The following ZNF398 variants were observed in gnomAD, a reference collection of about 807,000 sequenced individuals.
The protein encoded by ZNF398 is zinc finger DNA binding protein ZER6.
In ZNF398, 18 loss-of-function variants were observed where a neutral mutation model predicts 41.9. That is an observed-to-expected ratio of 0.43 (90% CI 0.30 to 0.64). The LOEUF is 0.64. ZNF398 is among the 30% of genes least tolerant of loss of function. The probability of loss-of-function intolerance (pLI) is 0.14; values close to 1 mark genes in which losing one functional copy is unlikely to be tolerated. For synonymous variants in ZNF398, 260 were observed against 308.8 expected, an observed-to-expected ratio of 0.84 and a Z score of 1.66; for missense variants, 669 against 822.8, an observed-to-expected ratio of 0.81 and a Z score of 2.29.
At chr7:149,128,254 C>T (rs1043576348) in intron 1 of ZNF398, among the ~76,000 whole-genome samples, 1 of 152,016 alleles carries the variant, frequency 6.6e-6, no homozygotes, top group African/African-American at 2.4e-5. Flanking sequence ...TCAGGAAAGG[C>T]GGGACAACTC....
intron 5 of ZNF398, among the ~76,000 whole-genome samples, chr7:149,177,008 G>A (rs550121861): frequency 1.3e-5 from 2 of 152,194 alleles, no homozygotes; most frequent in South Asian, 2.1e-4. Flanking sequence ...ATCAATGATG[G>A]GAGAAGAAAT....
chr7:149,164,426 T>C (rs999113901), intron 2 of ZNF398, among the ~76,000 whole-genome samples: 2 of 149,546 alleles, frequency 1.3e-5, no homozygotes, highest in African/African-American at 2.5e-5. Flanking sequence ...AAAATAAAAA[T>C]AAAAAAAGAG....
At chr7:149,131,613 G>T (rs1826596591) in intron 2 of ZNF398, among the ~76,000 whole-genome samples, 1 of 152,138 alleles carries the variant, frequency 6.6e-6, no homozygotes, top group South Asian at 2.1e-4. Context: ...TTAAACCTTG[G>T]AGGCGTTGGT....
chr7:149,171,967 C>A (rs1795352680), intron 4 of ZNF398, among the ~76,000 whole-genome samples: 1 of 152,222 alleles, frequency 6.6e-6, no homozygotes, highest in South Asian at 2.1e-4. Context: ...CCATGCTCGA[C>A]AGTGGCCTGT....
At chr7:149,167,372 G>T (rs908237826) in intron 4 of ZNF398, among the ~76,000 whole-genome samples, 2 of 152,182 alleles carry the variant, frequency 1.3e-5, no homozygotes, top group African/African-American at 4.8e-5. Flanking sequence ...ATTTTCTCAG[G>T]TCTGGGAAGC....
At chr7:149,148,647 T>G (rs1332909728) in intron 1 of ZNF398, 2 of 191,942 alleles carry the variant, frequency 1.0e-5, no homozygotes, top group African/African-American at 2.4e-5. Context: ...ACCTTTTTTT[T>G]TGTGTATAGG....
chr7:149,179,838 A>C lies in ZNF398; in HGVS notation c.*37A>C. 1 of 1,509,564 alleles carries C rather than the reference A, an allele frequency of 6.6e-7. No individual in the cohort carries two copies. Among genetic ancestry groups the C allele is most frequent in the Middle Eastern group, 2.2e-4 (1 of 4,618 alleles). The allele number at this position is 1,509,564 out of a possible 1,614,324, so 93.5% of individuals were successfully genotyped here. ...TGTGGCTTCATGCTTGTATATGCTC[A>C]CAGCAGGGCACAAAATCCAAGAGAA... is the stretch of plus-strand genomic sequence containing the variant. On this transcript the variant is annotated 3_prime_UTR_variant, in exon 6 of 6. Coordinates refer to ENST00000475153, the MANE Select transcript of ZNF398 (RefSeq NM_170686.3). The surrounding 1 kb of genome is among the most constrained non-coding windows in gnomAD (Gnocchi z 6.1).
At chr7:149,133,192 T>G (rs1380932243) in intron 2 of ZNF398, among the ~76,000 whole-genome samples, 1 of 151,662 alleles carries the variant, frequency 6.6e-6, no homozygotes, top group African/African-American at 2.4e-5. Flanking sequence ...CTTGGATCAC[T>G]GCAACTTCCG....
At chr7:149,177,269 T>C (rs1267360487) in intron 5 of ZNF398, among the ~76,000 whole-genome samples, 2 of 151,966 alleles carry the variant, frequency 1.3e-5, no homozygotes, top group African/African-American at 4.8e-5. Context: ...ATGAGTGGGG[T>C]GGACGACTTA....
intron 2 of ZNF398, among the ~76,000 whole-genome samples, chr7:149,132,342 G>A (rs536240737): frequency 5.9e-5 from 9 of 151,946 alleles, no homozygotes; most frequent in African/African-American, 2.2e-4. Context: ...TTACAGGCAT[G>A]TGCCACCACG....
intron 2 of ZNF398, among the ~76,000 whole-genome samples, chr7:149,131,143 T>A (rs78544387): frequency 7.5e-4 from 115 of 152,326 alleles, no homozygotes; most frequent in African/African-American, 2.5e-3. Flanking sequence ...CTGTGTTTAT[T>A]CAAAGAAACC....
At chr7:149,148,317 C>T in intron 1 of ZNF398, 2 of 409,408 alleles carry the variant, frequency 4.9e-6, no homozygotes, top group Non-Finnish European at 6.6e-6. Flanking sequence ...GCCTCGCGTG[C>T]GTGGCGGTTC....
chr7:149,155,722 T>A lies in ZNF398; in HGVS notation c.420+1382T>A, dbSNP rs1202391613. Among the ~76,000 whole-genome samples the A allele has an allele frequency of 9.1e-3, 671 of 73,534 alleles. 7 individuals carry two copies. Among genetic ancestry groups the A allele is most frequent in the African/African-American group, 0.015 (297 of 20,114 alleles). The allele number at this position is 73,534 out of a possible 152,430, so 48.2% of individuals were successfully genotyped here. ...ATATATATATATTTTTTTTTTTTTT[T>A]TTTTTTTAATTTTTTTTTTTTTGAG... On this transcript the variant is annotated intron_variant, in intron 2 of 5. Transcript: ENST00000475153.
chr7:149,126,584 A>C (rs1826482798), exon 1 of ZNF398: 1 of 373,190 alleles, frequency 2.7e-6, no homozygotes, highest in Non-Finnish European at 4.9e-6. Flanking sequence ...AGAGAGCAGG[A>C]ACAGGGAGAG....
At chr7:149,143,586 G>A (rs2129519746), upstream of ZNF398, among the ~76,000 whole-genome samples, 1 of 152,316 alleles carries the variant, frequency 6.6e-6, no homozygotes, top group East Asian at 1.9e-4. Context: ...GGCCGAGGTG[G>A]GCAGATCACC....
chr7:149,153,852 C>T, intron 1 of ZNF398, 93 bp from the exon 2 acceptor site: 2 of 1,398,904 alleles, frequency 1.4e-6, no homozygotes, highest in Non-Finnish European at 1.9e-6. Context: ...TTAATCTCTG[C>T]TGGACAGTTA....
Position 149,149,228 on chromosome 7 carries a change from A to AATTT in ZNF398, c.24+1479_24+1482dup, listed in dbSNP as rs898552536. ...CAAAATATTATTTCAACATGTCATC[A>AATTT]ATTTATTTATTTATTTATTTTTTGA... On this transcript the variant is annotated intron_variant, in intron 1 of 5. Coordinates refer to ENST00000475153, the MANE Select transcript of ZNF398 (RefSeq NM_170686.3). Among the ~76,000 whole-genome samples the AATTT allele has an allele frequency of 9.9e-5, 15 of 151,948 alleles. 1 individual carries two copies. In the South Asian group the frequency reaches 2.5e-3, roughly 25 times the overall value.
At chr7:149,159,643 G>A (rs916289557) in intron 2 of ZNF398, among the ~76,000 whole-genome samples, 7 of 151,354 alleles carry the variant, frequency 4.6e-5, no homozygotes, top group African/African-American at 1.5e-4. Context: ...GTGAGACTCC[G>A]TCTCAAAAAA....
chr7:149,176,184 T>TA (rs1321215056), intron 4 of ZNF398, among the ~76,000 whole-genome samples: 6 of 151,274 alleles, frequency 4.0e-5, no homozygotes, highest in Middle Eastern at 3.4e-3. Flanking sequence ...CAAAAAAATT[T>TA]AAAAAAAACT....
Sources: gnomAD v4.1 joint callset for allele counts (sites outside exome capture counted in the v4.1 genomes callset) on GRCh38, gnomAD v4.1.1 for gene constraint, Gnocchi (gnomAD v3.1) non-coding constraint, MANE v1.5 for transcripts, NCBI Gene and HGNC (gene_info 2026-07-23, HGNC 2026-07-21) for gene names.